ZZEF1: variants seen among roughly 807,000 people sequenced by gnomAD.
ZZEF1 encodes zinc finger ZZ-type and EF-hand domain-containing protein 1.
Under a neutral mutation model 342.8 loss-of-function variants are expected in ZZEF1, and 157 were observed. The observed-to-expected ratio is 0.46, with a 90% CI of 0.40 to 0.52. The LOEUF (loss-of-function observed/expected upper bound fraction) is 0.52. Among genes scored for constraint, ZZEF1 ranks in the 20% least tolerant of loss-of-function variants. The pLI is 0.00. For missense variants in ZZEF1, 3,480 were observed against 3,725.6 expected, an observed-to-expected ratio of 0.93 and a Z score of 1.72; for synonymous variants, 1,505 against 1,429.1, an observed-to-expected ratio of 1.05 and a Z score of -1.20.
intron 15 of ZZEF1, among the ~76,000 whole-genome samples, chr17:4,086,128 A>C (rs943403413): frequency 3.3e-5 from 5 of 152,224 alleles, no homozygotes; most frequent in African/African-American, 1.2e-4. Flanking sequence ...GACTTAGTTG[A>C]AGTTAAGGCT....
chr17:4,072,653 T>C lies in ZZEF1; in HGVS notation c.3789A>G (p.Glu1263=). ...VFRHQVCPEL[E]LEASWPTHPH... ...GGTGAGTGGGCCAGCTTGCTTCTAA[T>C]TCCAACTCTGGACAAACCTGATGCC... Residue 1263 remains glutamate, a synonymous_variant, in exon 25 of 55, where the codon GAA becomes GAG. Transcript: ENST00000381638. 1 of 1,614,038 alleles carries C rather than the reference T, an allele frequency of 6.2e-7. No homozygotes were observed. The highest frequency in any genetic ancestry group is 2.2e-5 in the East Asian group (1 of 44,874).
In ZZEF1 at chr17:4,017,843, G is replaced by A. The variant is rs749816567; in HGVS notation, c.7634C>T (p.Pro2545Leu). 1.2e-6 allele frequency: 2 copies of A among 1,614,164 alleles called. No individual in the cohort carries two copies. Among genetic ancestry groups the A allele is most frequent in the Admixed American group, 1.7e-5 (1 of 60,018 alleles). ...CGAGGTCGGGTGACATACCAAGCAT[G>A]GCAGGATAATCATGTCTGTATCCAC... The part of the protein sequence containing the change: ...KAVDTDMIIL[P>L]CLSRPARCDQ... Residue 2545 changes from proline to leucine, a missense_variant, in exon 47 of 55, where the codon CCA becomes CTA. Pro to Leu is a moderately conservative substitution (Grantham distance 98). This residue lies in a region of ZZEF1 where 1,269 missense variants were observed against 1,342.4 expected (regional missense o/e 0.95). Coordinates refer to ENST00000381638, the MANE Select transcript of ZZEF1 (RefSeq NM_015113.4). This position sits in a 1 kb window ranked among gnomAD's most constrained non-coding sequence, Gnocchi z 5.1.
At chr17:4,104,532 C>A in intron 8 of ZZEF1, 101 bp downstream of exon 8, 1 of 1,340,318 alleles carries the variant, frequency 7.5e-7, no homozygotes, top group South Asian at 1.4e-5. Flanking sequence ...TATAACAACC[C>A]AAAAAGATGA....
chr17:4,094,814 G>A (rs755593357), intron 11 of ZZEF1, among the ~76,000 whole-genome samples: 4 of 152,014 alleles, frequency 2.6e-5, no homozygotes, highest in Non-Finnish European at 5.9e-5. Context: ...CTGCACTGCT[G>A]CTGCTGCTCT....
At chr17:4,069,605 C>T (rs760417891) in intron 26 of ZZEF1, among the ~76,000 whole-genome samples, 4 of 152,068 alleles carry the variant, frequency 2.6e-5, no homozygotes, top group East Asian at 1.9e-4. Flanking sequence ...CTGAGGCAGG[C>T]AGATCACCTG....
At chr17:4,022,594 T>C (rs2056297568) in intron 44 of ZZEF1, 115 bp downstream of exon 44, 3 of 1,452,968 alleles carry the variant, frequency 2.1e-6, no homozygotes, top group Non-Finnish European at 2.8e-6. Flanking sequence ...TTTTCAACAC[T>C]GTACTAAAGG....
At position 4,075,138 on chromosome 17, in the gene ZZEF1, T is replaced by C. The variant is rs2057585935; in HGVS notation, c.3442A>G (p.Thr1148Ala). The C allele has an allele frequency of 6.2e-7, 1 of 1,614,226 alleles. No homozygotes were observed. ...LEFTDARGRK[T>A]RYDTKVGTDK... ...GTGCCAACTTTTGTGTCATAGCGTG[T>C]TTTCCGACCTCTAGCGTCGGTAAAT... Residue 1148 changes from threonine (T) to alanine (A), a missense_variant, in exon 23 of 55, where the codon ACA (threonine) becomes GCA (alanine). This residue lies in a region of ZZEF1 where 1,528 missense variants were observed against 1,624.1 expected (regional missense o/e 0.94). Coordinates refer to ENST00000381638, the MANE Select transcript of ZZEF1 (RefSeq NM_015113.4).
intron 3 of ZZEF1, among the ~76,000 whole-genome samples, chr17:4,115,811 TCTG>T (rs1047543464): frequency 6.6e-6 from 1 of 152,264 alleles, no homozygotes; most frequent in Non-Finnish European, 1.5e-5. Context: ...TGTTTTTGAC[TCTG>T]CTTATATTTT....
chr17:4,124,101 G>A (rs1341662978), intron 1 of ZZEF1, 50 bp from the exon 2 acceptor site: 3 of 1,528,476 alleles, frequency 2.0e-6, no homozygotes, highest in Admixed American at 2.3e-5. Context: ...AGTAAACGAG[G>A]GCAGTTTCAA....
intron 1 of ZZEF1, among the ~76,000 whole-genome samples, chr17:4,135,997 T>TG (rs1491211437): frequency 3.6e-5 from 1 of 27,706 alleles, no homozygotes; most frequent in East Asian, 4.4e-3. Context: ...ATATTTTCTC[T>TG]TTTTTTTTTT....
intron 1 of ZZEF1, among the ~76,000 whole-genome samples, chr17:4,128,999 C>T (rs2058622119): frequency 6.7e-6 from 1 of 148,500 alleles, no homozygotes; most frequent in Admixed American, 6.7e-5. Context: ...GATCTCTTGA[C>T]CTTGTGATCT....
intron 6 of ZZEF1, 123 bp from the exon 7 acceptor site, chr17:4,105,932 C>A: frequency 1.4e-6 from 1 of 734,856 alleles, no homozygotes; most frequent in Non-Finnish European, 2.2e-6. Context: ...CACAGAGAAG[C>A]TGGCACACAA....
chr17:4,065,148 A>G (rs1430017256), intron 28 of ZZEF1, among the ~76,000 whole-genome samples: 2 of 152,222 alleles, frequency 1.3e-5, no homozygotes, highest in East Asian at 3.8e-4. Context: ...TCACGCCTGT[A>G]ATCCCAGCAC....
At chr17:4,100,106 C>T (rs2058102401) in intron 9 of ZZEF1, among the ~76,000 whole-genome samples, 1 of 152,178 alleles carries the variant, frequency 6.6e-6, no homozygotes, top group South Asian at 2.1e-4. Flanking sequence ...TGCAGTGGCA[C>T]TTGTCCAAAA....
chr17:4,093,584 G>A (rs1042366372), intron 11 of ZZEF1, among the ~76,000 whole-genome samples: 2 of 152,166 alleles, frequency 1.3e-5, no homozygotes, highest in African/African-American at 4.8e-5. Flanking sequence ...GGTAGCATCA[G>A]AATCTCCCGA....
Position 4,062,882 on chromosome 17 carries a change from G to A in ZZEF1, c.4754C>T (p.Ala1585Val), listed in dbSNP as rs1026819144. The A allele has an allele frequency of 4.3e-6, 7 of 1,612,708 alleles. No homozygotes were observed. In the African/African-American group the frequency reaches 5.3e-5, roughly 12 times the overall value. Residue 1585 changes from alanine (A) to valine (V), a missense_variant, in exon 30 of 55, where the codon GCC becomes GTC. Ala to Val is a moderately conservative substitution (Grantham distance 64, BLOSUM62 0). Coordinates refer to ENST00000381638, the MANE Select transcript of ZZEF1 (RefSeq NM_015113.4). ...VKVLSLRKAQ[A>V]QSILEVLKIT... ...CTTCAGGACTTCCAGGATGCTCTGG[G>A]CCTGGGCTTTCCTCAGGGAAAGAAC...
chr17:4,080,371 C>T (rs933315908), intron 18 of ZZEF1, among the ~76,000 whole-genome samples: 5 of 151,786 alleles, frequency 3.3e-5, no homozygotes, highest in African/African-American at 1.2e-4. Flanking sequence ...GACAGAGTTT[C>T]GCTCGTTGCC....
intron 24 of ZZEF1, among the ~76,000 whole-genome samples, chr17:4,073,512 T>C (rs989689754): frequency 1.3e-5 from 2 of 152,198 alleles, no homozygotes; most frequent in Non-Finnish European, 2.9e-5. Flanking sequence ...GCTCACTGCA[T>C]GCAGCCTCTA....
chr17:4,050,665 T>C (rs1403560785), intron 36 of ZZEF1, 116 bp downstream of exon 36: 13 of 1,461,240 alleles, frequency 8.9e-6, no homozygotes, highest in East Asian at 2.3e-5. Flanking sequence ...TAAGCCCCTT[T>C]TGTGGAAAAG....
Sources: gnomAD v4.1 joint callset for allele counts (sites outside exome capture counted in the v4.1 genomes callset) on GRCh38, gnomAD v4.1.1 for gene constraint, gnomAD v4.1.1 regional missense constraint, Gnocchi (gnomAD v3.1) non-coding constraint, MANE v1.5 for transcripts, NCBI Gene and HGNC (gene_info 2026-07-23, HGNC 2026-07-21) for gene names.